TENM1: variants seen among roughly 807,000 people sequenced by gnomAD.
The protein encoded by TENM1 is teneurin transmembrane protein 1, also known as teneurin-1.
A neutral mutation model predicts 174.8 loss-of-function variants in TENM1; 35 were observed. That is an observed-to-expected ratio of 0.20 (90% CI 0.15 to 0.27). TENM1 has a LOEUF of 0.27. Ranked by LOEUF, TENM1 falls within the 10% of genes least tolerant of loss-of-function variation. The probability of loss-of-function intolerance (pLI) is 1.00; values close to 1 mark genes in which losing one functional copy is unlikely to be tolerated. For synonymous variants in TENM1, 781 were observed against 798.7 expected, an observed-to-expected ratio of 0.98 and a Z score of 0.37; for missense variants, 1,633 against 2,130.1, an observed-to-expected ratio of 0.77 and a Z score of 4.59.
At chrX:124,383,821 G>A in exon 30 of TENM1, 1 of 1,209,543 alleles carries the variant, frequency 8.3e-7, no homozygotes, top group Non-Finnish European at 1.1e-6. Flanking sequence ...GGAAATCATA[G>A]AGTCCTCCAT....
the TENM1 span, among the ~76,000 whole-genome samples, chrX:125,150,543 T>G: frequency 9.0e-6 from 1 of 111,706 alleles, no homozygotes; most frequent in Non-Finnish European, 1.9e-5. Flanking sequence ...AAGCAACCAG[T>G]CACATACCAT....
chrX:125,137,930 A>G, the TENM1 span, among the ~76,000 whole-genome samples: 1 of 112,189 alleles, frequency 8.9e-6, no homozygotes, highest in Non-Finnish European at 1.9e-5. Context: ...TGTCACAAAA[A>G]TATATAACTC....
At chrX:124,417,962 G>A (rs2060612516) in intron 25 of TENM1, among the ~76,000 whole-genome samples, 1 of 111,754 alleles carries the variant, frequency 8.9e-6, no homozygotes, top group Admixed American at 9.5e-5. Context: ...ACCTCTTACT[G>A]GCCCAACTCC....
At chrX:124,844,942 T>C (rs1392903422) in intron 3 of TENM1, among the ~76,000 whole-genome samples, 2 of 111,289 alleles carry the variant, frequency 1.8e-5, no homozygotes, top group East Asian at 5.7e-4. Context: ...TTCATAGACC[T>C]ATCACAGGCC....
At chrX:124,377,041 A>G (rs952061596) in exon 32 of TENM1, 2 of 110,511 alleles carry the variant, frequency 1.8e-5, no homozygotes, top group Admixed American at 9.7e-5. Flanking sequence ...TCACCCTTAC[A>G]TGAACACATC....
intron 3 of TENM1, among the ~76,000 whole-genome samples, chrX:124,850,849 A>G (rs60557214): frequency 0.093 from 10,274 of 111,068 alleles, 1,111 homozygotes; most frequent in African/African-American, 0.32. Context: ...CTTCTAGAAT[A>G]TGCATTTTGA....
intron 15 of TENM1, among the ~76,000 whole-genome samples, chrX:124,531,731 A>G (rs1210188212): frequency 8.9e-6 from 1 of 112,212 alleles, no homozygotes; most frequent in Non-Finnish European, 1.9e-5. Context: ...TGATTGTCCC[A>G]ATTTCTGTAT....
chrX:124,767,509 C>CA (rs1474681112), intron 3 of TENM1, among the ~76,000 whole-genome samples: 2 of 111,578 alleles, frequency 1.8e-5, no homozygotes, highest in African/African-American at 6.5e-5. Context: ...ATACATAATG[C>CA]AATTTTACAT....
At chrX:124,959,310 C>T (rs923900479) in intron 1 of TENM1, among the ~76,000 whole-genome samples, 8 of 111,529 alleles carry the variant, frequency 7.2e-5, no homozygotes, top group Non-Finnish European at 1.1e-4. Context: ...TACTGATTGG[C>T]AGTCAGTGGC....
intron 3 of TENM1, among the ~76,000 whole-genome samples, chrX:124,829,417 T>G (rs2056240360): frequency 8.9e-6 from 1 of 112,311 alleles, no homozygotes; most frequent in African/African-American, 3.2e-5. Context: ...GATGCCAGTT[T>G]GACAGTCACG....
At chrX:124,594,689 C>T (rs1459046527) in intron 11 of TENM1, among the ~76,000 whole-genome samples, 2 of 112,130 alleles carry the variant, frequency 1.8e-5, no homozygotes, top group African/African-American at 6.5e-5. Context: ...ATGTTATAAA[C>T]CTCAAATATA....
chrX:124,633,420 G>A (rs992131921), intron 11 of TENM1, among the ~76,000 whole-genome samples: 10 of 111,543 alleles, frequency 9.0e-5, no homozygotes, highest in Non-Finnish European at 1.7e-4. Flanking sequence ...AGAGGCAGCC[G>A]CAAACTTACC....
intron 3 of TENM1, among the ~76,000 whole-genome samples, chrX:124,785,120 T>C (rs1460282333): frequency 9.0e-6 from 1 of 111,484 alleles, no homozygotes; most frequent in Non-Finnish European, 1.9e-5. Context: ...GTAAAGACCA[T>C]TAATTGAGAA....
At chrX:125,192,174 A>C in the TENM1 span, among the ~76,000 whole-genome samples, 2 of 111,449 alleles carry the variant, frequency 1.8e-5, no homozygotes, top group Admixed American at 1.9e-4. Context: ...GAGAAAAATC[A>C]TTTTAGACAG....
chrX:124,907,358 A>T, intron 1 of TENM1, among the ~76,000 whole-genome samples: 1 of 112,394 alleles, frequency 8.9e-6, no homozygotes, highest in Non-Finnish European at 1.9e-5. Context: ...GGTACAGACT[A>T]ATGCAAACAT....
chrX:124,745,605 T>C (rs974951916), intron 3 of TENM1, among the ~76,000 whole-genome samples: 8 of 110,462 alleles, frequency 7.2e-5, no homozygotes, highest in Non-Finnish European at 1.5e-4. Context: ...GAGAAAGGGG[T>C]TGGGGTTATA....
intron 22 of TENM1, among the ~76,000 whole-genome samples, chrX:124,472,033 C>T (rs5911859): frequency 8.3e-5 from 9 of 107,947 alleles, no homozygotes; most frequent in African/African-American, 2.7e-4. Context: ...AATAGTAGGT[C>T]TGCTTTAACT....
chrX:125,163,092 T>C, the TENM1 span, among the ~76,000 whole-genome samples: 2 of 111,734 alleles, frequency 1.8e-5, no homozygotes, highest in Non-Finnish European at 3.8e-5. Flanking sequence ...GCCAACAGCT[T>C]CTTAAATGGT....
chrX:125,041,030 C>G, the TENM1 span, among the ~76,000 whole-genome samples: 1 of 111,015 alleles, frequency 9.0e-6, no homozygotes, highest in African/African-American at 3.3e-5. Context: ...TAAGAATTAC[C>G]AATAATGCGA....
Sources: gnomAD v4.1 joint callset for allele counts (sites outside exome capture counted in the v4.1 genomes callset) on GRCh38, gnomAD v4.1.1 for gene constraint, MANE v1.5 for transcripts, NCBI Gene and HGNC (gene_info 2026-07-23, HGNC 2026-07-21) for gene names.